ARHGAP35: variants seen among roughly 807,000 people sequenced by gnomAD.
The protein encoded by ARHGAP35 is Rho GTPase activating protein 35.
In ARHGAP35, 15 loss-of-function variants were observed where a neutral mutation model predicts 111.1. The ratio of observed to expected loss-of-function variants is 0.13; its 90% CI spans 0.09 to 0.21. The LOEUF is 0.21. Among genes scored for constraint, ARHGAP35 ranks in the 10% least tolerant of loss-of-function variants. The pLI is 1.00. For synonymous variants in ARHGAP35, 643 were observed against 710.3 expected (o/e 0.91, Z 1.51); for missense variants, 1,262 against 1,873.0 (o/e 0.67, Z 6.02).
chr19:46,960,953 G>A (rs1168372866), intron 3 of ARHGAP35, among the ~76,000 whole-genome samples: 1 of 150,742 alleles, frequency 6.6e-6, no homozygotes, highest in Non-Finnish European at 1.5e-5. Flanking sequence ...GGAGTGCAGT[G>A]GCGCAATCTC....
intron 1 of ARHGAP35, among the ~76,000 whole-genome samples, chr19:46,911,263 G>T (rs2056136468): frequency 6.6e-6 from 1 of 152,098 alleles, no homozygotes; most frequent in Non-Finnish European, 1.5e-5. Context: ...ACTCCAGATT[G>T]AATGGTTTTT....
chr19:46,954,977 G>T (rs568142386), intron 3 of ARHGAP35, among the ~76,000 whole-genome samples: 4 of 152,294 alleles, frequency 2.6e-5, no homozygotes, highest in African/African-American at 7.2e-5. Flanking sequence ...TTACTTCTCC[G>T]TAACCCATGA....
chr19:46,875,980 CTT>C (rs1405063723), intron 1 of ARHGAP35, among the ~76,000 whole-genome samples: 1 of 152,116 alleles, frequency 6.6e-6, no homozygotes, highest in African/African-American at 2.4e-5. Flanking sequence ...CTCCGTTACT[CTT>C]TTTCTCATCA....
intron 2 of ARHGAP35, among the ~76,000 whole-genome samples, chr19:46,924,704 A>C (rs913582817): frequency 6.6e-6 from 1 of 152,108 alleles, no homozygotes; most frequent in African/African-American, 2.4e-5. Context: ...CATTTTGAAC[A>C]TTTCTTCTCT....
chr19:46,936,146 G>A (rs997706330), intron 2 of ARHGAP35, among the ~76,000 whole-genome samples: 69 of 152,168 alleles, frequency 4.5e-4, no homozygotes, highest in African/African-American at 1.6e-3. Context: ...GGATGCTGAG[G>A]TAGGAAGATC....
intron 3 of ARHGAP35, among the ~76,000 whole-genome samples, chr19:46,960,885 T>C (rs554325344): frequency 6.6e-6 from 1 of 151,974 alleles, no homozygotes; most frequent in East Asian, 1.9e-4. Context: ...TGGAGAGTAT[T>C]TCTTTGGCTT....
intron 1 of ARHGAP35, among the ~76,000 whole-genome samples, chr19:46,904,353 A>C (rs1408136604): frequency 6.6e-6 from 1 of 152,174 alleles, no homozygotes; most frequent in South Asian, 2.1e-4. Context: ...TCTCAAGAAG[A>C]ATCTTAGGAA....
At chr19:46,973,995 C>CA (rs56980634) in intron 3 of ARHGAP35, among the ~76,000 whole-genome samples, 20 of 146,862 alleles carry the variant, frequency 1.4e-4, no homozygotes, top group East Asian at 4.0e-4. Flanking sequence ...GACTCCATCT[C>CA]AAAAAAAAAA....
At chr19:46,917,291 G>C (rs1017219315) in intron 1 of ARHGAP35, among the ~76,000 whole-genome samples, 40 of 152,136 alleles carry the variant, frequency 2.6e-4, no homozygotes, top group Non-Finnish European at 4.6e-4. Flanking sequence ...ATTCAGCCAT[G>C]TTGTCAGAAT....
intron 1 of ARHGAP35, among the ~76,000 whole-genome samples, chr19:46,904,767 C>T (rs2056097204): frequency 6.6e-6 from 1 of 152,204 alleles, no homozygotes; most frequent in Non-Finnish European, 1.5e-5. Context: ...TCGGAATTCC[C>T]TTCTCCAGCC....
At chr19:46,880,739 T>C (rs2055957428) in intron 1 of ARHGAP35, among the ~76,000 whole-genome samples, 1 of 151,934 alleles carries the variant, frequency 6.6e-6, no homozygotes, top group African/African-American at 2.4e-5. Flanking sequence ...TGCAGTAGTG[T>C]GATCATAGCT....
rs1248940810 is a variant in ARHGAP35 at position 46,992,370 on chromosome 19, G to C, written c.4036+2695G>C. 3.3e-5 allele frequency among the ~76,000 whole-genome samples: 5 copies of C among 152,232 alleles called. No homozygotes were observed. Among genetic ancestry groups the C allele is most frequent in the Non-Finnish European group, 7.3e-5 (5 of 68,046 alleles). On this transcript the variant is annotated intron_variant, in intron 5 of 6. Coordinates refer to ENST00000672722, the MANE Select transcript of ARHGAP35 (RefSeq NM_004491.5). The surrounding 1 kb of genome is among the most constrained non-coding windows in gnomAD (Gnocchi z 4.4). ...CTGAAGACAGAGCAAAGCTGAGCTT[G>C]AAGTGCACAAACCCCAGCAAGGAAG...
chr19:46,933,787 C>A (rs1484375391), intron 2 of ARHGAP35, among the ~76,000 whole-genome samples: 1 of 152,172 alleles, frequency 6.6e-6, no homozygotes, highest in Non-Finnish European at 1.5e-5. Context: ...CGCCACTGCA[C>A]CGCAGTCTGG....
chr19:46,958,384 CAAAAAAA>C (rs796810574), intron 3 of ARHGAP35, among the ~76,000 whole-genome samples: 1 of 75,606 alleles, frequency 1.3e-5, no homozygotes, highest in East Asian at 3.6e-4. Context: ...GACTCCGTCT[CAAAAAAA>C]AAAAAAAAAA....
At chr19:46,980,830 A>C (rs909597571) in intron 3 of ARHGAP35, among the ~76,000 whole-genome samples, 1 of 152,232 alleles carries the variant, frequency 6.6e-6, no homozygotes, top group Non-Finnish European at 1.5e-5. Flanking sequence ...CCAGCTTTCC[A>C]CTTAGATCAT....
chr19:46,900,655 T>C (rs1323136552), intron 1 of ARHGAP35, among the ~76,000 whole-genome samples: 1 of 152,200 alleles, frequency 6.6e-6, no homozygotes, highest in African/African-American at 2.4e-5. Flanking sequence ...TTAGGAGGTA[T>C]TTATTGAGCC....
At chr19:46,991,320 C>T (rs188630817) in intron 5 of ARHGAP35, among the ~76,000 whole-genome samples, 1 of 152,338 alleles carries the variant, frequency 6.6e-6, no homozygotes, top group Admixed American at 6.5e-5. Context: ...CTGCATTTGT[C>T]TTGACTTGGC....
At chr19:46,866,471 A>G (rs564257800) in intron 1 of ARHGAP35, among the ~76,000 whole-genome samples, 1 of 152,290 alleles carries the variant, frequency 6.6e-6, no homozygotes, top group Admixed American at 6.5e-5. Context: ...GCCTTGTCCT[A>G]ATTAGCTGGG....
At chr19:46,883,722 C>T (rs1011415893) in intron 1 of ARHGAP35, among the ~76,000 whole-genome samples, 1 of 152,124 alleles carries the variant, frequency 6.6e-6, no homozygotes. Context: ...AAAACACATG[C>T]ACACATAGTA....
Sources: allele counts gnomAD v4.1 joint callset (sites outside exome capture counted in the v4.1 genomes callset), GRCh38; gene constraint gnomAD v4.1.1; non-coding constraint Gnocchi (gnomAD v3.1); transcripts MANE v1.5; gene names NCBI Gene and HGNC (gene_info 2026-07-23, HGNC 2026-07-21).